The following PREX1 variants were observed in gnomAD, a reference collection of about 807,000 sequenced individuals.
PREX1 encodes phosphatidylinositol 3,4,5-trisphosphate-dependent Rac exchanger 1 protein.
PREX1 carries 41 observed loss-of-function variants against 198.3 expected under a neutral mutation model. That is an observed-to-expected ratio of 0.21 (90% CI 0.16 to 0.27). PREX1 has a LOEUF of 0.27. Among genes scored for constraint, PREX1 ranks in the 10% least tolerant of loss-of-function variants. The pLI is 1.00. For missense variants in PREX1, 1,620 were observed against 2,200.7 expected, an observed-to-expected ratio of 0.74 and a Z score of 5.28; for synonymous variants, 843 against 887.2, an observed-to-expected ratio of 0.95 and a Z score of 0.89.
chr20:48,688,519 T>G (rs1195405216), intron 10 of PREX1, 138 bp downstream of exon 10: 2 of 1,125,460 alleles, frequency 1.8e-6, no homozygotes, highest in Admixed American at 4.6e-5. Flanking sequence ...GGCTGCTCCA[T>G]AAGGATTCAG....
At chr20:48,771,024 T>C (rs1430193126) in intron 1 of PREX1, among the ~76,000 whole-genome samples, 2 of 152,120 alleles carry the variant, frequency 1.3e-5, no homozygotes, top group East Asian at 3.9e-4. Context: ...GTATGTACAG[T>C]TGCCTTTCAT....
At chr20:48,633,983 ATGGT>A (rs1283214555) in intron 33 of PREX1, among the ~76,000 whole-genome samples, 6 of 151,792 alleles carry the variant, frequency 4.0e-5, no homozygotes, top group Admixed American at 1.3e-4. Context: ...CGGATGGATG[ATGGT>A]TGGATGGATG....
At chr20:48,778,456 G>A (rs1225379499) in intron 1 of PREX1, among the ~76,000 whole-genome samples, 1 of 151,740 alleles carries the variant, frequency 6.6e-6, no homozygotes, top group Non-Finnish European at 1.5e-5. Flanking sequence ...AGCCAGGCAT[G>A]GCACACGCCT....
At chr20:48,672,867 G>A (rs1005305167) in intron 14 of PREX1, among the ~76,000 whole-genome samples, 12 of 152,126 alleles carry the variant, frequency 7.9e-5, no homozygotes, top group Non-Finnish European at 1.0e-4. Flanking sequence ...TAGCACCAGC[G>A]GGCATGTGAT....
At chr20:48,879,426 T>C in the PREX1 span, among the ~76,000 whole-genome samples, 1 of 151,970 alleles carries the variant, frequency 6.6e-6, no homozygotes, top group South Asian at 2.1e-4. Flanking sequence ...TGATAAACAG[T>C]ACTGTTCTGA....
intron 1 of PREX1, among the ~76,000 whole-genome samples, chr20:48,755,624 G>A (rs995121573): frequency 7.9e-5 from 12 of 152,206 alleles, no homozygotes; most frequent in African/African-American, 2.4e-4. Flanking sequence ...TAGAAGCCAC[G>A]TGTTGGGGAA....
chr20:48,659,987 T>C lies in PREX1; in HGVS notation c.1813A>G (p.Ser605Gly), dbSNP rs138162745. The change falls in exon 16 of 40, where the codon AGC becomes GGC. Residue 605 changes from serine to glycine, a missense_variant. Coordinates refer to ENST00000371941, the MANE Select transcript of PREX1 (RefSeq NM_020820.4). Reference protein sequence around the residue: ...FHADEEMEGTSSKNKQLRNDF... With the variant: ...FHADEEMEGTGSKNKQLRNDF... ...TTGCGAAGCTGTTTGTTCTTGCTGC[T>C]GGTCCCCTCCATCTCCTCGTCAGCA... 4.3e-6 allele frequency: 7 copies of C among 1,614,122 alleles called. No individual in the cohort carries two copies. In the African/African-American group the frequency reaches 6.7e-5, roughly 15 times the overall value.
Position 48,713,806 on chromosome 20 carries a change from T to C in PREX1, c.622-5385A>G, listed in dbSNP as rs74690665. 7.8e-3 allele frequency among the ~76,000 whole-genome samples: 1,143 copies of C among 146,218 alleles called. 12 individuals carry two copies. The highest frequency in any genetic ancestry group is 0.028 in the African/African-American group (1,092 of 39,544). ...AGGTGCAGCAAACCACCATGGCACATGTAGACATATGTAACAAAGCTGCAC... is the reference window on the plus strand; with the variant it reads ...AGGTGCAGCAAACCACCATGGCACACGTAGACATATGTAACAAAGCTGCAC... On this transcript the variant is annotated intron_variant, in intron 5 of 39. Transcript: ENST00000371941.
chr20:48,625,920 G>T lies in PREX1; in HGVS notation c.4945C>A (p.Arg1649Ser). 1.3e-6 allele frequency: 2 copies of T among 1,560,362 alleles called. No homozygotes were observed. The highest frequency in any genetic ancestry group is 1.7e-6 in the Non-Finnish European group (2 of 1,156,098). The change falls in exon 40 of 40, where the codon CGC (arginine) becomes AGC (serine). Residue 1649 changes from arginine to serine, a missense_variant. Around this residue, in one of 7 missense-constraint regions of PREX1, gnomAD observed 476 missense variants for 603.4 expected, o/e 0.79. Coordinates refer to ENST00000371941, the MANE Select transcript of PREX1 (RefSeq NM_020820.4). ...QMPQGAPRLY[R>S]LCQPPVDGDL ...CCATCCACCGGCGGCTGGCAGAGGC[G>T]GTAGAGGCTGGGGATGGAGGCAAAG...
chr20:48,761,416 C>T (rs2090179298), intron 1 of PREX1, among the ~76,000 whole-genome samples: 1 of 152,164 alleles, frequency 6.6e-6, no homozygotes, highest in Admixed American at 6.5e-5. Flanking sequence ...ACAGCAGACC[C>T]TCGAAAAGGA....
At chr20:48,860,410 G>C in the PREX1 span, among the ~76,000 whole-genome samples, 1 of 152,226 alleles carries the variant, frequency 6.6e-6, no homozygotes, top group Non-Finnish European at 1.5e-5. Flanking sequence ...ATGGAGTTCG[G>C]CTTTGCAAGA....
At chr20:48,638,819 G>A (rs1428627566) in intron 30 of PREX1, among the ~76,000 whole-genome samples, 1 of 152,234 alleles carries the variant, frequency 6.6e-6, no homozygotes, top group Non-Finnish European at 1.5e-5. Context: ...GACACAGGAA[G>A]AAGCTAAGGC....
At chr20:48,832,644 G>A (rs1298185097), upstream of PREX1, among the ~76,000 whole-genome samples, 3 of 152,172 alleles carry the variant, frequency 2.0e-5, no homozygotes, top group Non-Finnish European at 4.4e-5. Context: ...TCAAATCAAC[G>A]CTGGACACAC....
At chr20:48,642,380 G>C in intron 28 of PREX1, 27 bp downstream of exon 28, 1 of 1,609,168 alleles carries the variant, frequency 6.2e-7, no homozygotes, top group South Asian at 1.1e-5. Flanking sequence ...ACCCAAAGTT[G>C]CGCCAGGAGT....
At chr20:48,753,837 A>G (rs775480681) in intron 1 of PREX1, among the ~76,000 whole-genome samples, 2 of 152,194 alleles carry the variant, frequency 1.3e-5, no homozygotes, top group Non-Finnish European at 2.9e-5. Flanking sequence ...GGACCCATAT[A>G]AGAGAGGATC....
intron 1 of PREX1, among the ~76,000 whole-genome samples, chr20:48,754,129 T>A (rs117434105): frequency 2.0e-5 from 3 of 152,136 alleles, no homozygotes; most frequent in Non-Finnish European, 4.4e-5. Context: ...TAAGCTGATA[T>A]CGAGCTGGGA....
intron 37 of PREX1, 63 bp from the exon 38 acceptor site, chr20:48,628,026 CGGGAGTCAGAGGACAGT>C: frequency 9.8e-7 from 1 of 1,019,552 alleles, no homozygotes; most frequent in Non-Finnish European, 1.5e-6. Context: ...GGGAGGACAG[CGGGAGTCAGAGGACAGT>C]GGGTGAGAGC....
intron 1 of PREX1, among the ~76,000 whole-genome samples, chr20:48,767,229 G>A (rs1020049332): frequency 6.6e-6 from 1 of 152,188 alleles, no homozygotes; most frequent in African/African-American, 2.4e-5. Context: ...CTTCCAGCCA[G>A]ACCAGTGACA....
intron 12 of PREX1, 86 bp downstream of exon 12, chr20:48,679,565 G>GGGGCACAGGCCTGCTCTGAGGC: frequency 7.0e-7 from 1 of 1,432,858 alleles, no homozygotes; most frequent in Non-Finnish European, 9.8e-7. Context: ...AACAAGCCAA[G>GGGGCACAGGCCTGCTCTGAGGC]GGGCACAGGC....
Sources: gnomAD v4.1 joint callset for allele counts (sites outside exome capture counted in the v4.1 genomes callset) on GRCh38, gnomAD v4.1.1 for gene constraint, gnomAD v4.1.1 regional missense constraint, MANE v1.5 for transcripts, NCBI Gene and HGNC (gene_info 2026-07-23, HGNC 2026-07-21) for gene names.